The following RBFOX3 variants were observed in gnomAD, a reference collection of about 807,000 sequenced individuals.
The protein encoded by RBFOX3 is RNA binding fox-1 homolog 3.
A neutral mutation model predicts 48.7 loss-of-function variants in RBFOX3; 17 were observed. The ratio of observed to expected loss-of-function variants is 0.35; its 90% CI spans 0.24 to 0.52. The LOEUF (loss-of-function observed/expected upper bound fraction) is 0.52. Among genes scored for constraint, RBFOX3 ranks in the 20% least tolerant of loss-of-function variants. The pLI is 0.94. For synonymous variants in RBFOX3, 212 were observed against 209.5 expected (o/e 1.01, Z -0.10); for missense variants, 382 against 497.5 (o/e 0.77, Z 2.21).
intron 2 of RBFOX3, among the ~76,000 whole-genome samples, chr17:79,327,140 C>A (rs535476076): frequency 3.3e-5 from 5 of 152,182 alleles, no homozygotes; most frequent in East Asian, 1.9e-4. Flanking sequence ...GTACCCCCCA[C>A]ACCTTCCCCA....
intron 2 of RBFOX3, among the ~76,000 whole-genome samples, chr17:79,409,293 G>A (rs897730980): frequency 1.3e-5 from 2 of 152,150 alleles, no homozygotes; most frequent in African/African-American, 4.8e-5. Flanking sequence ...TCTTGCAAAC[G>A]GTGCTCCTAC....
the RBFOX3 span, among the ~76,000 whole-genome samples, chr17:79,630,260 C>T: frequency 3.3e-5 from 5 of 152,210 alleles, no homozygotes; most frequent in South Asian, 2.1e-4. Flanking sequence ...CCAGAGTGAG[C>T]GCCTTAGGGA....
chr17:79,611,130 T>TCTCTCTCTCTCTCTCCC (rs1491548376), upstream of RBFOX3, among the ~76,000 whole-genome samples: 1 of 37,816 alleles, frequency 2.6e-5, no homozygotes, highest in Admixed American at 2.4e-4. Context: ...TCCGCCCTCC[T>TCTCTCTCTCTCTCTCCC]TCTCTCTCTC....
intron 2 of RBFOX3, among the ~76,000 whole-genome samples, chr17:79,458,022 A>C (rs1198540711): frequency 6.6e-6 from 1 of 152,184 alleles, no homozygotes; most frequent in Non-Finnish European, 1.5e-5. Context: ...AAGTCCCTTG[A>C]CCTCGCAATC....
At chr17:79,340,230 T>G (rs1598318086) in intron 2 of RBFOX3, among the ~76,000 whole-genome samples, 1 of 141,944 alleles carries the variant, frequency 7.0e-6, no homozygotes, top group Non-Finnish European at 1.5e-5. Context: ...ACCCGGGAGG[T>G]GGAGGTTGCA....
At chr17:79,268,698 G>C (rs1162029451) in intron 3 of RBFOX3, among the ~76,000 whole-genome samples, 1 of 152,116 alleles carries the variant, frequency 6.6e-6, no homozygotes, top group African/African-American at 2.4e-5. Context: ...CATGGCTCTG[G>C]CATCCCTCCC....
At chr17:79,587,055 G>A (rs1416598970) in intron 1 of RBFOX3, among the ~76,000 whole-genome samples, 4 of 152,204 alleles carry the variant, frequency 2.6e-5, no homozygotes, top group African/African-American at 9.6e-5. Context: ...AAGACCACTG[G>A]AAATTGACTC....
At chr17:79,333,480 T>A (rs900671695) in intron 2 of RBFOX3, among the ~76,000 whole-genome samples, 1 of 151,988 alleles carries the variant, frequency 6.6e-6, no homozygotes, top group Non-Finnish European at 1.5e-5. Flanking sequence ...CCGAGTACAG[T>A]ATAAAGAGAG....
rs371996258 is a variant in RBFOX3, at chr17:79,471,014, GA to G, written c.-175+11439del. 0.083 allele frequency among the ~76,000 whole-genome samples: 12,594 copies of G among 152,082 alleles called. 1,711 individuals are homozygous for G. The highest frequency in any genetic ancestry group is 0.28 in the African/African-American group (11,706 of 41,436). Reference sequence around the variant, plus strand: ...TTCTAGCTCTGTGATGCACCACCACGAAAAAAATAACAGCAGAACCAGCCCT... The same window carrying G: ...TTCTAGCTCTGTGATGCACCACCACGAAAAAATAACAGCAGAACCAGCCCT... On this transcript the variant is annotated intron_variant, in intron 2 of 14. Coordinates refer to ENST00000693108, the MANE Select transcript of RBFOX3 (RefSeq NM_001350451.2). The surrounding 1 kb of genome is among the most constrained non-coding windows in gnomAD (Gnocchi z 4.0).
chr17:79,156,834 C>T (rs1330202913), intron 4 of RBFOX3, among the ~76,000 whole-genome samples: 5 of 152,200 alleles, frequency 3.3e-5, no homozygotes, highest in African/African-American at 1.2e-4. Context: ...TCCTTGGCTT[C>T]TGCTGATGGG....
chr17:79,259,121 A>G (rs566584789), intron 3 of RBFOX3, among the ~76,000 whole-genome samples: 1 of 152,234 alleles, frequency 6.6e-6, no homozygotes, highest in Non-Finnish European at 1.5e-5. Flanking sequence ...GTCTGTAGGG[A>G]TGACGACAGC....
chr17:79,469,968 C>G (rs1405405882), intron 2 of RBFOX3, among the ~76,000 whole-genome samples: 1 of 152,126 alleles, frequency 6.6e-6, no homozygotes, highest in Non-Finnish European at 1.5e-5. Flanking sequence ...TAGCTCCTCA[C>G]CCTAAAACAC....
intron 2 of RBFOX3, among the ~76,000 whole-genome samples, chr17:79,323,571 A>G (rs1348515516): frequency 6.6e-6 from 1 of 152,256 alleles, no homozygotes; most frequent in Non-Finnish European, 1.5e-5. Flanking sequence ...CAACAGATGC[A>G]GAGTACTCAG....
intron 2 of RBFOX3, among the ~76,000 whole-genome samples, chr17:79,430,001 GT>G (rs1289357980): frequency 4.6e-5 from 7 of 152,138 alleles, no homozygotes; most frequent in African/African-American, 1.7e-4. Flanking sequence ...GCACATCAGA[GT>G]CCAGGCAGGG....
chr17:79,152,770 C>T (rs528253201), intron 4 of RBFOX3, among the ~76,000 whole-genome samples: 2 of 152,202 alleles, frequency 1.3e-5, no homozygotes, highest in East Asian at 1.9e-4. Flanking sequence ...GGGCCAGAGG[C>T]GAAGACAGGG....
intron 2 of RBFOX3, among the ~76,000 whole-genome samples, chr17:79,318,874 A>AGGG (rs2077960414): frequency 6.7e-6 from 1 of 149,522 alleles, no homozygotes; most frequent in African/African-American, 2.5e-5. Flanking sequence ...AAAAAAAAAA[A>AGGG]AAAAAAGGGA....
Position 79,103,973 on chromosome 17 carries a change from C to A in RBFOX3, c.414+100G>T. The stretch of plus-strand genomic sequence containing the variant: ...AGCACCCGTGTCGCTCAGGGGTCCT[C>A]GGGCGCGAAGCTCTCCAGGAAGGAA... On this transcript the variant is annotated intron_variant, in intron 7 of 14. Transcript: ENST00000693108. The surrounding 1 kb of genome is among the most constrained non-coding windows in gnomAD (Gnocchi z 6.1). 2 of 1,037,814 alleles carry A rather than the reference C, an allele frequency of 1.9e-6. No homozygotes were observed. The highest frequency in any genetic ancestry group is 1.4e-5 in the South Asian group (1 of 72,472). 64.3% of individuals were successfully genotyped at this position (1,037,814 alleles called of 1,614,324 possible).
At chr17:79,206,878 T>A (rs2057573116) in intron 4 of RBFOX3, among the ~76,000 whole-genome samples, 1 of 152,138 alleles carries the variant, frequency 6.6e-6, no homozygotes, top group Admixed American at 6.5e-5. Flanking sequence ...CCACTCCCCA[T>A]CTCATTGACT....
rs1443123532 is a variant in RBFOX3, at chr17:79,477,187, C to T, written c.-175+5267G>A. Among the ~76,000 whole-genome samples, 91 of 147,466 alleles carry T rather than the reference C, an allele frequency of 6.2e-4. No homozygotes were observed. Among genetic ancestry groups the T allele is most frequent in the East Asian group, 2.8e-3 (14 of 4,960 alleles). On this transcript the variant is annotated intron_variant, in intron 2 of 14. Coordinates refer to ENST00000693108, the MANE Select transcript of RBFOX3 (RefSeq NM_001350451.2). The surrounding 1 kb of genome is among the most constrained non-coding windows in gnomAD (Gnocchi z 4.8). ...GGTAGAGGTTGCAGTGAGCTGAGAT[C>T]GCGCCACTGCACTCCAGCCTGGGTG... is the stretch of plus-strand genomic sequence containing the variant.
Sources: allele counts gnomAD v4.1 joint callset (sites outside exome capture counted in the v4.1 genomes callset), GRCh38; gene constraint gnomAD v4.1.1; non-coding constraint Gnocchi (gnomAD v3.1); transcripts MANE v1.5; gene names NCBI Gene and HGNC (gene_info 2026-07-23, HGNC 2026-07-21).